CMYA5: variants seen among roughly 807,000 people sequenced by gnomAD.
The protein encoded by CMYA5 is cardiomyopathy-associated protein 5.
In CMYA5, 246 loss-of-function variants were observed where a neutral mutation model predicts 318.9. The ratio of observed to expected loss-of-function variants is 0.77; its 90% CI spans 0.70 to 0.86. The LOEUF (loss-of-function observed/expected upper bound fraction) is 0.86. Among genes scored for constraint, CMYA5 ranks in the 40% least tolerant of loss-of-function variants. CMYA5 has a pLI of 0.00. For missense variants in CMYA5, 4,589 were observed against 4,678.2 expected (o/e 0.98, Z 0.56); for synonymous variants, 1,641 against 1,729.5 (o/e 0.95, Z 1.27).
At chr5:79,789,382 C>G (rs181683875) in intron 10 of CMYA5, among the ~76,000 whole-genome samples, 1 of 152,198 alleles carries the variant, frequency 6.6e-6, no homozygotes. Context: ...TTTAATTGAT[C>G]TGGAGATGGG....
At chr5:79,793,648 T>C (rs749659317) in intron 12 of CMYA5, 38 bp downstream of exon 12, 2 of 1,565,114 alleles carry the variant, frequency 1.3e-6, no homozygotes, top group Non-Finnish European at 8.7e-7. Context: ...CATCAAAATA[T>C]TATGCTTGGG....
chr5:79,736,253 T>G lies in CMYA5; in HGVS notation c.7488T>G (p.Ile2496Met), dbSNP rs1329501049. Residue 2496 changes from isoleucine (I) to methionine (M), a missense_variant, in exon 2 of 13, where the codon ATT (isoleucine) becomes ATG (methionine). Around this residue, in one of 3 missense-constraint regions of CMYA5, gnomAD observed 2,431 missense variants for 2,495.1 expected, o/e 0.97. Coordinates refer to ENST00000446378, the MANE Select transcript of CMYA5 (RefSeq NM_153610.5). The part of the protein sequence containing the change: ...RDSNEIGKTQ[I>M]TLGSRSTELK... ...GTAATGAAATAGGGAAGACACAAATTACACTTGGATCTAGATCTACTGAAC... is the reference window on the plus strand; with the variant it reads ...GTAATGAAATAGGGAAGACACAAATGACACTTGGATCTAGATCTACTGAAC... The G allele has an allele frequency of 6.2e-7, 1 of 1,613,244 alleles. No homozygotes were observed. The highest frequency in any genetic ancestry group is 1.3e-5 in the African/African-American group (1 of 74,836).
intron 7 of CMYA5, among the ~76,000 whole-genome samples, chr5:79,759,646 G>A (rs1352261761): frequency 6.6e-6 from 1 of 152,208 alleles, no homozygotes; most frequent in East Asian, 1.9e-4. Context: ...AGCTGGGAGT[G>A]CTGCCATTCT....
intron 1 of CMYA5, among the ~76,000 whole-genome samples, chr5:79,713,357 A>T (rs1580753523): frequency 7.3e-6 from 1 of 136,630 alleles, no homozygotes; most frequent in East Asian, 2.2e-4. Flanking sequence ...CAATAGTGTC[A>T]CTGTGGAGGA....
intron 2 of CMYA5, among the ~76,000 whole-genome samples, chr5:79,741,259 C>T (rs957058042): frequency 6.6e-6 from 1 of 152,166 alleles, no homozygotes; most frequent in Non-Finnish European, 1.5e-5. Flanking sequence ...ATAAAATCGT[C>T]TCAGAGAGTT....
At chr5:79,706,832 C>T (rs1169960985) in intron 1 of CMYA5, among the ~76,000 whole-genome samples, 1 of 152,108 alleles carries the variant, frequency 6.6e-6, no homozygotes, top group African/African-American at 2.4e-5. Flanking sequence ...AGGAGCATTT[C>T]ATCTTTTATT....
At chr5:79,742,174 C>CTCT (rs761188554) in intron 2 of CMYA5, among the ~76,000 whole-genome samples, 41 of 142,270 alleles carry the variant, frequency 2.9e-4, no homozygotes, top group Admixed American at 2.0e-3. Context: ...CCTCCTCCTC[C>CTCT]TCTTCTTCTT....
chr5:79,753,217 C>A (rs531377770), intron 6 of CMYA5, among the ~76,000 whole-genome samples: 146 of 152,230 alleles, frequency 9.6e-4, no homozygotes, highest in African/African-American at 3.4e-3. Flanking sequence ...CAATTCAGTT[C>A]TTTTCCCCTT....
Position 79,733,631 on chromosome 5 carries a change from T to C in CMYA5, c.4866T>C (p.Pro1622=). 4 of 1,613,220 alleles carry C rather than the reference T, an allele frequency of 2.5e-6. No homozygotes were observed. The South Asian group carries it at 4.4e-5, about 18-fold the overall frequency. The change falls in exon 2 of 13, where the codon CCT becomes CCC. Residue 1622 remains proline, a synonymous_variant. Transcript: ENST00000446378. The stretch of plus-strand genomic sequence containing the variant: ...CTTTGGCAGAGCTGTCTTTGGAACC[T>C]GAGAAGAAAGACAAGCCACACCAAC... ...DVALAELSLE[P]EKKDKPHQPL...
chr5:79,721,225 G>T (rs1004111537), intron 1 of CMYA5, among the ~76,000 whole-genome samples: 1 of 152,176 alleles, frequency 6.6e-6, no homozygotes, highest in Non-Finnish European at 1.5e-5. Context: ...GCAAGGCTGA[G>T]TGTGGTGGCT....
At chr5:79,774,700 T>C (rs1032417793) in intron 9 of CMYA5, among the ~76,000 whole-genome samples, 45 of 152,096 alleles carry the variant, frequency 3.0e-4, no homozygotes. Context: ...GGGCTCAGGG[T>C]GCTGGGCCTG....
At chr5:79,705,575 C>T (rs969002409) in intron 1 of CMYA5, among the ~76,000 whole-genome samples, 1 of 152,150 alleles carries the variant, frequency 6.6e-6, no homozygotes, top group Admixed American at 6.5e-5. Context: ...TTCCCACCCA[C>T]ACATCTTCCC....
chr5:79,690,169 TTCTC>T, intron 1 of CMYA5, 113 bp downstream of exon 1: 2 of 1,336,688 alleles, frequency 1.5e-6, no homozygotes, highest in Middle Eastern at 2.3e-4. Flanking sequence ...GCTAGGCACT[TTCTC>T]TCTGGGTGCA....
intron 11 of CMYA5, among the ~76,000 whole-genome samples, chr5:79,793,176 C>G (rs1829208687): frequency 6.6e-6 from 1 of 152,156 alleles, no homozygotes; most frequent in Non-Finnish European, 1.5e-5. Context: ...ATTCCCAGCT[C>G]TTTTAAGAGT....
chr5:79,761,404 T>C (rs947713507), intron 7 of CMYA5, among the ~76,000 whole-genome samples: 1 of 152,200 alleles, frequency 6.6e-6, no homozygotes, highest in African/African-American at 2.4e-5. Context: ...AACCATGAAG[T>C]TGTCCTTTTT....
At chr5:79,749,257 A>T (rs1284929759) in intron 5 of CMYA5, among the ~76,000 whole-genome samples, 1 of 152,216 alleles carries the variant, frequency 6.6e-6, no homozygotes, top group Admixed American at 6.5e-5. Flanking sequence ...TGGTGAAGAA[A>T]GATGAACAAT....
At chr5:79,757,148 T>C (rs1828544366) in intron 6 of CMYA5, among the ~76,000 whole-genome samples, 1 of 150,326 alleles carries the variant, frequency 6.7e-6, no homozygotes, top group South Asian at 2.1e-4. Flanking sequence ...TGAGCTGAGA[T>C]TGCACCACTG....
chr5:79,735,347 C>CA lies in CMYA5; in HGVS notation c.6585dup (p.Val2196SerfsTer3). 6.2e-7 allele frequency: 1 copy of CA among 1,613,762 alleles called. No individual in the cohort carries two copies. Among genetic ancestry groups the CA allele is most frequent in the Non-Finnish European group, 8.5e-7 (1 of 1,179,786 alleles). ...TTTTTGGATCGAGCACTCCAGATAA[C>CA]AAAGTTGCTGAACAAGAAGACTTAG... On this transcript the variant is annotated frameshift_variant, in exon 2 of 13. Coordinates refer to ENST00000446378, the MANE Select transcript of CMYA5 (RefSeq NM_153610.5). LOFTEE classifies it high-confidence loss of function.
intron 1 of CMYA5, among the ~76,000 whole-genome samples, chr5:79,720,204 A>T (rs536484129): frequency 6.6e-6 from 1 of 152,240 alleles, no homozygotes; most frequent in East Asian, 1.9e-4. Flanking sequence ...GCAAACTCCA[A>T]GCAGGATAAG....
Sources: gnomAD v4.1 joint callset for allele counts (sites outside exome capture counted in the v4.1 genomes callset) on GRCh38, gnomAD v4.1.1 for gene constraint, gnomAD v4.1.1 regional missense constraint, MANE v1.5 for transcripts, NCBI Gene and HGNC (gene_info 2026-07-23, HGNC 2026-07-21) for gene names.